The following NTM variants were observed in gnomAD, a reference collection of about 807,000 sequenced individuals.
NTM encodes neurotrimin.
A neutral mutation model predicts 42.1 loss-of-function variants in NTM; 13 were observed. That is an observed-to-expected ratio of 0.31 (90% confidence interval 0.20 to 0.49). The LOEUF (loss-of-function observed/expected upper bound fraction) is 0.49, where lower values mean the gene tolerates loss of function less well. Ranked by LOEUF, NTM falls within the 20% of genes least tolerant of loss-of-function variation. The probability of loss-of-function intolerance (pLI) is 0.99; values close to 1 mark genes in which losing one functional copy is unlikely to be tolerated. For missense variants in NTM, 373 were observed against 452.8 expected, an observed-to-expected ratio of 0.82 and a Z score of 1.60; for synonymous variants, 187 against 179.2, an observed-to-expected ratio of 1.04 and a Z score of -0.35.
intron 1 of NTM, among the ~76,000 whole-genome samples, chr11:131,464,067 C>T (rs942101717): frequency 2.0e-4 from 31 of 152,144 alleles, no homozygotes; most frequent in Admixed American, 3.9e-4. Context: ...TTGAGGACCG[C>T]GAGTTTCCTC....
At chr11:132,237,352 G>A (rs547795037) in intron 4 of NTM, among the ~76,000 whole-genome samples, 47 of 152,218 alleles carry the variant, frequency 3.1e-4, no homozygotes, top group African/African-American at 1.0e-3. Context: ...TCTGACCTCA[G>A]GGTTTTTCTT....
At chr11:131,620,582 AC>A (rs1217599120) in intron 1 of NTM, among the ~76,000 whole-genome samples, 1 of 152,034 alleles carries the variant, frequency 6.6e-6, no homozygotes, top group Non-Finnish European at 1.5e-5. Flanking sequence ...CCTCAAACAC[AC>A]CAGGCATAAT....
chr11:131,828,438 C>A (rs1031394899), intron 1 of NTM, among the ~76,000 whole-genome samples: 1 of 151,924 alleles, frequency 6.6e-6, no homozygotes, highest in Non-Finnish European at 1.5e-5. Context: ...ACCACCACCA[C>A]AACTTTCATC....
intron 2 of NTM, among the ~76,000 whole-genome samples, chr11:132,080,586 A>G (rs143496308): frequency 5.9e-4 from 90 of 152,314 alleles, no homozygotes; most frequent in Non-Finnish European, 1.0e-3. Flanking sequence ...CCATTTGGCC[A>G]TTTACCTTTT....
At chr11:131,395,392 C>T (rs1286640125) in intron 1 of NTM, among the ~76,000 whole-genome samples, 1 of 152,138 alleles carries the variant, frequency 6.6e-6, no homozygotes, top group Non-Finnish European at 1.5e-5. Flanking sequence ...TCATTTATCT[C>T]ATTCCCTCTG....
At chr11:131,435,100 AG>A (rs762341806) in intron 1 of NTM, among the ~76,000 whole-genome samples, 1 of 152,102 alleles carries the variant, frequency 6.6e-6, no homozygotes, top group Non-Finnish European at 1.5e-5. Context: ...AGATGGTTGT[AG>A]ATGTGTGGTG....
chr11:132,092,563 A>T (rs2060496915), intron 2 of NTM, among the ~76,000 whole-genome samples: 1 of 152,150 alleles, frequency 6.6e-6, no homozygotes, highest in Non-Finnish European at 1.5e-5. Context: ...TAACAGCAGT[A>T]TTGGTGTCCC....
At chr11:131,375,432 A>G (rs1004868913) in intron 1 of NTM, among the ~76,000 whole-genome samples, 1 of 152,260 alleles carries the variant, frequency 6.6e-6, no homozygotes, top group African/African-American at 2.4e-5. Context: ...GCAGTAATAA[A>G]GAAGTCGATG....
At chr11:132,021,159 G>C (rs2074270431) in intron 2 of NTM, among the ~76,000 whole-genome samples, 1 of 151,816 alleles carries the variant, frequency 6.6e-6, no homozygotes, top group African/African-American at 2.4e-5. Flanking sequence ...TCTGCTGTTG[G>C]GTCCTCCAGT....
intron 1 of NTM, among the ~76,000 whole-genome samples, chr11:131,583,109 A>G: frequency 6.6e-6 from 1 of 152,286 alleles, no homozygotes; most frequent in South Asian, 2.1e-4. Context: ...AGTGCTGGGG[A>G]CACTGTACCA....
intron 1 of NTM, among the ~76,000 whole-genome samples, chr11:131,827,092 G>A (rs1449166055): frequency 1.3e-5 from 2 of 152,042 alleles, no homozygotes; most frequent in African/African-American, 2.4e-5. Context: ...ACCAGACTCT[G>A]AATACACGTT....
chr11:132,072,006 G>A (rs973849927), intron 2 of NTM, among the ~76,000 whole-genome samples: 2 of 152,096 alleles, frequency 1.3e-5, no homozygotes, highest in Admixed American at 1.3e-4. Context: ...GGATTGGCTA[G>A]GGCAAAATTA....
At chr11:131,751,766 C>T (rs2082583486) in intron 1 of NTM, among the ~76,000 whole-genome samples, 1 of 135,286 alleles carries the variant, frequency 7.4e-6, no homozygotes, top group Admixed American at 7.4e-5. Flanking sequence ...CCCCCCCTCA[C>T]CCCCCCCCAA....
intron 1 of NTM, among the ~76,000 whole-genome samples, chr11:131,667,133 GC>G: frequency 6.6e-6 from 1 of 152,304 alleles, no homozygotes; most frequent in Admixed American, 6.5e-5. Flanking sequence ...CCACCTCTGT[GC>G]CCTACCTGGG....
intron 1 of NTM, among the ~76,000 whole-genome samples, chr11:131,473,400 A>G (rs1310581615): frequency 6.6e-6 from 1 of 152,182 alleles, no homozygotes. Flanking sequence ...CCTGTGAATC[A>G]ATAGGTGAAG....
intron 1 of NTM, among the ~76,000 whole-genome samples, chr11:131,752,803 G>C (rs543537980): frequency 6.6e-6 from 1 of 150,572 alleles, no homozygotes; most frequent in Admixed American, 6.6e-5. Context: ...AGAAAACCGC[G>C]CATTACCATT....
intron 2 of NTM, among the ~76,000 whole-genome samples, chr11:131,945,311 G>A (rs1421439349): frequency 6.6e-6 from 1 of 152,174 alleles, no homozygotes; most frequent in East Asian, 1.9e-4. Flanking sequence ...TTGAAGCAGT[G>A]CAGGAAGTGA....
intron 2 of NTM, among the ~76,000 whole-genome samples, chr11:131,929,109 C>T (rs562729251): frequency 1.3e-5 from 2 of 152,220 alleles, no homozygotes; most frequent in African/African-American, 2.4e-5. Context: ...ATGCAATGTC[C>T]GGTAGTGCTG....
intron 1 of NTM, among the ~76,000 whole-genome samples, chr11:131,894,974 C>T (rs185859393): frequency 9.6e-4 from 146 of 152,276 alleles, no homozygotes; most frequent in African/African-American, 3.3e-3. Flanking sequence ...CCAAGGCTGG[C>T]GCTGTGCCAA....
Sources: allele counts gnomAD v4.1 joint callset (sites outside exome capture counted in the v4.1 genomes callset), GRCh38; gene constraint gnomAD v4.1.1; transcripts MANE v1.5; gene names NCBI Gene and HGNC (gene_info 2026-07-23, HGNC 2026-07-21).